Variants in KIAA1217 observed in about 807,000 individuals in gnomAD.
KIAA1217 encodes sickle tail protein homolog.
KIAA1217 carries 88 observed loss-of-function variants against 163.9 expected under a neutral mutation model. The ratio of observed to expected loss-of-function variants is 0.54; its 90% CI spans 0.45 to 0.64. KIAA1217 has a LOEUF of 0.64. Among genes scored for constraint, KIAA1217 ranks in the 30% least tolerant of loss-of-function variants. The pLI, the probability that KIAA1217 is intolerant of heterozygous loss-of-function variation, is 0.00. For synonymous variants in KIAA1217, 903 were observed against 923.1 expected, an observed-to-expected ratio of 0.98 and a Z score of 0.39; for missense variants, 2,372 against 2,475.0, an observed-to-expected ratio of 0.96 and a Z score of 0.88.
chr10:23,858,563 G>T (rs1444572785), intron 1 of KIAA1217, among the ~76,000 whole-genome samples: 1 of 150,984 alleles, frequency 6.6e-6, no homozygotes, highest in Non-Finnish European at 1.5e-5. Context: ...TTGAATTCTT[G>T]CTTTTTGAAA....
intron 2 of KIAA1217, among the ~76,000 whole-genome samples, chr10:24,202,381 C>T (rs1020763757): frequency 6.6e-6 from 1 of 152,120 alleles, no homozygotes; most frequent in Non-Finnish European, 1.5e-5. Context: ...GAGAGCAAAG[C>T]TCAGGGGAGA....
chr10:24,061,171 T>C (rs2060709046), intron 2 of KIAA1217, among the ~76,000 whole-genome samples: 1 of 152,216 alleles, frequency 6.6e-6, no homozygotes, highest in South Asian at 2.1e-4. Context: ...CTTCTGTAGG[T>C]ATTTTCTTTG....
In KIAA1217 at chr10:24,145,367, A is replaced by C. The variant is rs562454034; in HGVS notation, c.-170-74259A>C. On this transcript the variant is annotated intron_variant, in intron 2 of 18. Coordinates refer to the KIAA1217 transcript ENST00000376462. ...TGTTGATTATTGGAGATTAGTCAGA[A>C]GCTTAAATGATAACTAAGTATTGTA... Among the ~76,000 whole-genome samples, 6 of 152,376 alleles carry C rather than the reference A, an allele frequency of 3.9e-5. No homozygotes were observed. The South Asian group carries it at 1.2e-3, about 32-fold the overall frequency.
intron 1 of KIAA1217, among the ~76,000 whole-genome samples, chr10:23,935,062 C>T (rs1010279357): frequency 1.3e-5 from 2 of 152,140 alleles, no homozygotes; most frequent in Non-Finnish European, 2.9e-5. Context: ...CATATTACCT[C>T]CATCACATTG....
intron 2 of KIAA1217, among the ~76,000 whole-genome samples, chr10:24,134,769 G>T (rs915638004): frequency 1.3e-5 from 2 of 152,058 alleles, no homozygotes; most frequent in Non-Finnish European, 2.9e-5. Context: ...TAGAGACAGG[G>T]TCTCACTGTG....
In KIAA1217 at chr10:24,459,785, G is replaced by C. The variant is rs188241735; in HGVS notation, c.847-13443G>C. Among the ~76,000 whole-genome samples the C allele has an allele frequency of 1.5e-3, 225 of 152,180 alleles. 1 individual carries two copies. Among genetic ancestry groups the C allele is most frequent in the African/African-American group, 5.2e-3 (217 of 41,498 alleles). On this transcript the variant is annotated intron_variant, in intron 5 of 20. Transcript: ENST00000376454. ...AAAAAAAAAAAATGTTTTTTAATTA[G>C]CTGGGGATGGTAGTGTGCACCTATA...
intron 1 of KIAA1217, among the ~76,000 whole-genome samples, chr10:23,700,096 T>A (rs961919309): frequency 3.3e-5 from 5 of 152,218 alleles, no homozygotes; most frequent in Non-Finnish European, 5.9e-5. Context: ...TTTGCTAACA[T>A]TACTTTATGG....
At chr10:23,918,739 C>T (rs200404565) in intron 1 of KIAA1217, among the ~76,000 whole-genome samples, 4,263 of 118,902 alleles carry the variant, frequency 0.036, 109 homozygotes, top group East Asian at 0.1. Context: ...TATATACACA[C>T]ACACACACAC....
At chr10:24,142,649 T>C (rs1374745826) in intron 2 of KIAA1217, among the ~76,000 whole-genome samples, 1 of 152,132 alleles carries the variant, frequency 6.6e-6, no homozygotes, top group Non-Finnish European at 1.5e-5. Flanking sequence ...AAATAGAAGA[T>C]GCTGGGAACT....
intron 5 of KIAA1217, among the ~76,000 whole-genome samples, chr10:24,451,195 T>TA (rs937718685): frequency 2.6e-5 from 4 of 152,130 alleles, no homozygotes; most frequent in Admixed American, 6.5e-5. Context: ...GTGTTGCTCA[T>TA]AAAAAAATGT....
chr10:23,851,205 T>C (rs1367253926), intron 1 of KIAA1217, among the ~76,000 whole-genome samples: 1 of 152,080 alleles, frequency 6.6e-6, no homozygotes, highest in Non-Finnish European at 1.5e-5. Flanking sequence ...GATGTTCCCC[T>C]TCCTGTGTCC....
intron 1 of KIAA1217, among the ~76,000 whole-genome samples, chr10:23,778,236 G>T (rs11595534): frequency 0.084 from 12,702 of 152,096 alleles, 1,071 homozygotes; most frequent in African/African-American, 0.21. Flanking sequence ...CACCATGCTC[G>T]GCAAACTGCA....
At chr10:23,772,023 T>C (rs1016871707) in intron 1 of KIAA1217, among the ~76,000 whole-genome samples, 1 of 152,258 alleles carries the variant, frequency 6.6e-6, no homozygotes. Flanking sequence ...TCATATTTTA[T>C]GCATTTTAAA....
In KIAA1217 at chr10:24,531,867, G is replaced by A. The variant is rs773953883; in HGVS notation, c.3120G>A (p.Leu1040=). 5 of 1,606,012 alleles carry A rather than the reference G, an allele frequency of 3.1e-6. No homozygotes were observed. In the African/African-American group the frequency reaches 5.4e-5, roughly 17 times the overall value. ...ATTCGGAACAGGACTTGGAAAAGCT[G>A]GGGGGAAAGTCGCCCCCTCCTCCTC... is the stretch of plus-strand genomic sequence containing the variant. The part of the protein sequence containing the change: ...SPNSEQDLEK[L]GGKSPPPPPP... The change falls in exon 15 of 21, where the codon CTG becomes CTA. Residue 1040 remains leucine, a synonymous_variant. Coordinates refer to ENST00000376454, the MANE Select transcript of KIAA1217 (RefSeq NM_019590.5).
At chr10:24,256,092 C>T (rs887067595) in intron 2 of KIAA1217, among the ~76,000 whole-genome samples, 1 of 151,296 alleles carries the variant, frequency 6.6e-6, no homozygotes, top group African/African-American at 2.4e-5. Flanking sequence ...CTCACTTCTC[C>T]CTCTGGTTCT....
chr10:24,033,465 C>T (rs976125462), intron 2 of KIAA1217, among the ~76,000 whole-genome samples: 10 of 152,164 alleles, frequency 6.6e-5, no homozygotes, highest in African/African-American at 2.4e-4. Flanking sequence ...AAGGGGTGGA[C>T]CTTGCTCCTG....
At chr10:24,022,908 A>G (rs1847794918) in intron 2 of KIAA1217, among the ~76,000 whole-genome samples, 1 of 149,594 alleles carries the variant, frequency 6.7e-6, no homozygotes, top group South Asian at 2.1e-4. Flanking sequence ...CAGGAACTTA[A>G]GGATATATAC....
chr10:23,870,412 CA>C (rs1472092804), intron 1 of KIAA1217, among the ~76,000 whole-genome samples: 1 of 152,044 alleles, frequency 6.6e-6, no homozygotes, highest in African/African-American at 2.4e-5. Context: ...GGCATCTTAA[CA>C]AAGGCCATAT....
chr10:23,713,225 T>C (rs1837368504), intron 1 of KIAA1217, among the ~76,000 whole-genome samples: 1 of 152,080 alleles, frequency 6.6e-6, no homozygotes, highest in African/African-American at 2.4e-5. Flanking sequence ...CCATTCAGAG[T>C]AGGTTTTGGT....
Sources: allele counts gnomAD v4.1 joint callset (sites outside exome capture counted in the v4.1 genomes callset), GRCh38; gene constraint gnomAD v4.1.1; transcripts MANE v1.5; gene names NCBI Gene and HGNC (gene_info 2026-07-23, HGNC 2026-07-21).